GRM1: variants seen among roughly 807,000 people sequenced by gnomAD.
GRM1 encodes metabotropic glutamate receptor 1.
GRM1 carries 33 observed loss-of-function variants against 90.9 expected under a neutral mutation model. The observed-to-expected ratio is 0.36, with a 90% CI of 0.28 to 0.49. The LOEUF (loss-of-function observed/expected upper bound fraction) is 0.49. Ranked by LOEUF, GRM1 falls within the 20% of genes least tolerant of loss-of-function variation. The pLI is 0.99. For synonymous variants in GRM1, 700 were observed against 613.2 expected (o/e 1.14, Z -2.09); for missense variants, 1,190 against 1,534.3 (o/e 0.78, Z 3.75).
intron 1 of GRM1, among the ~76,000 whole-genome samples, chr6:146,156,835 C>T (rs907364580): frequency 6.6e-6 from 1 of 152,138 alleles, no homozygotes; most frequent in African/African-American, 2.4e-5. Context: ...GAGAAAAAGA[C>T]AGAAATAAAA....
chr6:146,269,424 T>C (rs1782031822), intron 2 of GRM1, among the ~76,000 whole-genome samples: 1 of 152,198 alleles, frequency 6.6e-6, no homozygotes, highest in South Asian at 2.1e-4. Flanking sequence ...TTTAAAACAC[T>C]GATAGAAAGA....
At chr6:146,168,874 T>C (rs1778004526) in intron 2 of GRM1, among the ~76,000 whole-genome samples, 1 of 152,142 alleles carries the variant, frequency 6.6e-6, no homozygotes, top group African/African-American at 2.4e-5. Flanking sequence ...CTCTTAAGCA[T>C]GTTTCCTTAT....
intron 3 of GRM1, among the ~76,000 whole-genome samples, chr6:146,311,381 G>C (rs903875700): frequency 2.6e-5 from 4 of 152,320 alleles, no homozygotes; most frequent in South Asian, 4.1e-4. Context: ...TCTTAGAAGT[G>C]TTTATATATC....
At chr6:146,334,987 C>T (rs529716450) in intron 3 of GRM1, among the ~76,000 whole-genome samples, 202 of 152,058 alleles carry the variant, frequency 1.3e-3, no homozygotes, top group Non-Finnish European at 2.4e-3. Context: ...GAAATTTAGC[C>T]AAAATTTAAT....
At chr6:146,401,135 T>C (rs1353294648) in intron 7 of GRM1, among the ~76,000 whole-genome samples, 1 of 152,166 alleles carries the variant, frequency 6.6e-6, no homozygotes, top group Non-Finnish European at 1.5e-5. Flanking sequence ...TTATATACTT[T>C]GAGGATCTAA....
intron 1 of GRM1, among the ~76,000 whole-genome samples, chr6:146,109,179 G>A (rs1433303028): frequency 6.6e-6 from 1 of 152,182 alleles, no homozygotes; most frequent in Non-Finnish European, 1.5e-5. Context: ...TGGGGAAAAT[G>A]TCTCCAGAGC....
In GRM1 at chr6:146,120,848, A is replaced by G. The variant is rs148409888; in HGVS notation, c.701-38500A>G. 1.4e-3 allele frequency among the ~76,000 whole-genome samples: 215 copies of G among 152,238 alleles called. 1 individual carries two copies. Among genetic ancestry groups the G allele is most frequent in the Admixed American group, 2.3e-3 (35 of 15,286 alleles). On this transcript the variant is annotated intron_variant, in intron 1 of 7. Transcript: ENST00000282753. Reference sequence around the variant, plus strand: ...GCTGGATTCAGTTTGCCAGTATTTTATTGAGGATTTTTGCATCGATGTTCA... The same window carrying G: ...GCTGGATTCAGTTTGCCAGTATTTTGTTGAGGATTTTTGCATCGATGTTCA...
intron 3 of GRM1, among the ~76,000 whole-genome samples, chr6:146,331,703 T>G (rs1784593642): frequency 6.6e-6 from 1 of 152,160 alleles, no homozygotes; most frequent in Non-Finnish European, 1.5e-5. Flanking sequence ...CTTTTGTGTC[T>G]TCTTCATAAG....
intron 6 of GRM1, among the ~76,000 whole-genome samples, chr6:146,396,844 T>C (rs1421678804): frequency 6.6e-6 from 1 of 152,216 alleles, no homozygotes; most frequent in Non-Finnish European, 1.5e-5. Context: ...CCAAAGGTTA[T>C]ATGACTTAAT....
intron 1 of GRM1, among the ~76,000 whole-genome samples, chr6:146,120,157 A>T (rs1385247742): frequency 6.6e-6 from 1 of 152,192 alleles, no homozygotes; most frequent in South Asian, 2.1e-4. Flanking sequence ...GGCCTTTCAC[A>T]TCCCTTGTAA....
intron 2 of GRM1, among the ~76,000 whole-genome samples, chr6:146,260,488 T>C (rs543790989): frequency 6.6e-6 from 1 of 152,328 alleles, no homozygotes; most frequent in African/African-American, 2.4e-5. Context: ...TATAGTAGAA[T>C]GATTTATAAT....
chr6:146,177,756 A>T (rs1217633649), intron 2 of GRM1, among the ~76,000 whole-genome samples: 1 of 152,160 alleles, frequency 6.6e-6, no homozygotes, highest in Non-Finnish European at 1.5e-5. Flanking sequence ...TGCATTTTAA[A>T]ATTGTAGACA....
intron 5 of GRM1, among the ~76,000 whole-genome samples, chr6:146,358,264 A>G (rs1785665740): frequency 6.6e-6 from 1 of 152,184 alleles, no homozygotes; most frequent in African/African-American, 2.4e-5. Flanking sequence ...AGTAACTATG[A>G]CATCAGTATA....
chr6:146,421,451 T>C (rs559722707), intron 7 of GRM1, among the ~76,000 whole-genome samples: 1 of 152,248 alleles, frequency 6.6e-6, no homozygotes, highest in Non-Finnish European at 1.5e-5. Flanking sequence ...CACTATCATG[T>C]ATTATTTACT....
chr6:146,136,680 C>G (rs1776632527), intron 1 of GRM1, among the ~76,000 whole-genome samples: 1 of 151,860 alleles, frequency 6.6e-6, no homozygotes, highest in African/African-American at 2.4e-5. Flanking sequence ...TGATTAATCC[C>G]TTGTCAGATG....
At chr6:146,313,835 C>T (rs546384491) in intron 3 of GRM1, among the ~76,000 whole-genome samples, 3 of 152,188 alleles carry the variant, frequency 2.0e-5, no homozygotes, top group South Asian at 4.1e-4. Flanking sequence ...CTTTGTGCCT[C>T]ATTGAAAATC....
chr6:146,293,450 A>T (rs1783065223), intron 2 of GRM1, among the ~76,000 whole-genome samples: 1 of 151,964 alleles, frequency 6.6e-6, no homozygotes, highest in African/African-American at 2.4e-5. Flanking sequence ...AAATTATTGG[A>T]TTACTTGATT....
chr6:146,128,460 G>T (rs575077172), intron 1 of GRM1, among the ~76,000 whole-genome samples: 3 of 152,270 alleles, frequency 2.0e-5, no homozygotes, highest in African/African-American at 7.2e-5. Context: ...TAAGAAAAAT[G>T]CAGCATAGGG....
In GRM1 at chr6:146,434,627, C is replaced by T. The variant is rs1047934664; in HGVS notation, c.3416C>T (p.Pro1139Leu). 10 of 1,612,128 alleles carry T rather than the reference C, an allele frequency of 6.2e-6. No individual in the cohort carries two copies. The highest frequency in any genetic ancestry group is 8.5e-6 in the Non-Finnish European group (10 of 1,180,006). Residue 1139 changes from proline (P) to leucine (L), a missense_variant, in exon 8 of 8, where the codon CCG becomes CTG. Physicochemically the swap from Pro to Leu is moderately conservative, Grantham distance 98 (BLOSUM62 -3). This residue lies in a region of GRM1 where 400 missense variants were observed against 360.8 expected (regional missense o/e 1.11). Coordinates refer to ENST00000282753, the MANE Select transcript of GRM1 (RefSeq NM_001278064.2). ...EDLQAASKLT[P>L]DDSPALTPPS... is the part of the protein sequence containing the mutation. ...CTGCAGGCGGCCAGCAAACTGACCCCGGATGATTCGCCTGCGCTGACGCCT... is the reference window on the plus strand; with the variant it reads ...CTGCAGGCGGCCAGCAAACTGACCCTGGATGATTCGCCTGCGCTGACGCCT...
Sources: gnomAD v4.1 joint callset for allele counts (sites outside exome capture counted in the v4.1 genomes callset) on GRCh38, gnomAD v4.1.1 for gene constraint, gnomAD v4.1.1 regional missense constraint, MANE v1.5 for transcripts, NCBI Gene and HGNC (gene_info 2026-07-23, HGNC 2026-07-21) for gene names.